Variants in MBTPS1 observed in about 807,000 individuals in gnomAD.
MBTPS1 encodes membrane bound transcription factor peptidase, site 1.
A neutral mutation model predicts 127.8 loss-of-function variants in MBTPS1; 94 were observed. That is an observed-to-expected ratio of 0.74 (90% CI 0.62 to 0.87). The LOEUF (loss-of-function observed/expected upper bound fraction) is 0.87. Among genes scored for constraint, MBTPS1 ranks in the 40% least tolerant of loss-of-function variants. The probability of loss-of-function intolerance (pLI) is 0.00; values close to 1 mark genes in which losing one functional copy is unlikely to be tolerated. For synonymous variants in MBTPS1, 632 were observed against 509.4 expected, an observed-to-expected ratio of 1.24 and a Z score of -3.24; for missense variants, 1,636 against 1,353.2, an observed-to-expected ratio of 1.21 and a Z score of -3.28.
At position 84,099,053 on chromosome 16, in the gene MBTPS1, A is replaced by G. The variant is rs2086217642; in HGVS notation, c.421T>C (p.Ser141Pro). ...KVFRSLKYAE[S>P]DPTVPCNETR... ...ATTTGCCTACAGTCACAATACTCAC[A>G]TTCAGCATACTTGAGGGAACGAAAG... The change falls in exon 3 of 23, where the codon TCT (serine) becomes CCT (proline). Residue 141 changes from serine (S) to proline (P), a missense_variant and splice_region_variant. Coordinates refer to ENST00000343411, the MANE Select transcript of MBTPS1 (RefSeq NM_003791.4). 2.5e-6 allele frequency: 4 copies of G among 1,613,862 alleles called. No individual in the cohort carries two copies. Among genetic ancestry groups the G allele is most frequent in the Non-Finnish European group, 3.4e-6 (4 of 1,179,854 alleles).
chr16:84,070,825 G>C, intron 12 of MBTPS1, 49 bp from the exon 13 acceptor site: 3 of 1,458,398 alleles, frequency 2.1e-6, no homozygotes, highest in Non-Finnish European at 2.8e-6. Flanking sequence ...AGCTCCAGGA[G>C]AAAACACGTG....
At position 84,056,150 on chromosome 16, in the gene MBTPS1, A is replaced by C; in HGVS notation, c.2832-15T>G. 1 of 1,610,926 alleles carries C rather than the reference A, an allele frequency of 6.2e-7. No individual in the cohort carries two copies. Among genetic ancestry groups the C allele is most frequent in the Non-Finnish European group, 8.5e-7 (1 of 1,177,198 alleles). ...TCCAAAGGTTACTTCAGGAAAATGG[A>C]TTAAAACAAAACAAAAATAAGCCAT... On this transcript the variant is annotated splice_polypyrimidine_tract_variant and intron_variant, in intron 21 of 22. Coordinates refer to ENST00000343411, the MANE Select transcript of MBTPS1 (RefSeq NM_003791.4).
intron 14 of MBTPS1, 55 bp downstream of exon 14, chr16:84,069,811 G>T: frequency 6.7e-7 from 1 of 1,488,298 alleles, no homozygotes; most frequent in Non-Finnish European, 9.2e-7. Context: ...GAACAGTGGT[G>T]CCTCCTCCCA....
intron 1 of MBTPS1, among the ~76,000 whole-genome samples, chr16:84,105,928 G>A (rs1208701443): frequency 6.6e-6 from 1 of 152,178 alleles, no homozygotes; most frequent in Non-Finnish European, 1.5e-5. Flanking sequence ...ACCTTCCAGT[G>A]CAGGGAGACA....
chr16:84,090,858 C>CT lies in MBTPS1; in HGVS notation c.1031+16dup, dbSNP rs751808902. 13 of 1,599,578 alleles carry CT rather than the reference C, an allele frequency of 8.1e-6. No individual in the cohort carries two copies. The East Asian group carries it at 2.7e-4, about 33-fold the overall frequency. On this transcript the variant is annotated intron_variant, in intron 8 of 22. Transcript: ENST00000343411. ...GGGGAAAAAATCCCCGAGGTCATCC[C>CT]TGCTGGGGCTACTTACCCATAAAGA...
At position 84,087,548 on chromosome 16, in the gene MBTPS1, A is replaced by G. The variant is rs1174995808; in HGVS notation, c.1032-88T>C. 7.2e-6 allele frequency: 6 copies of G among 834,866 alleles called. No individual in the cohort carries two copies. In the African/African-American group the frequency reaches 1.0e-4, roughly 14 times the overall value. The allele number at this position is 834,866 out of a possible 1,614,324, so 51.7% of individuals were successfully genotyped here. ...AAAATGGATGATTCAAACCAGGGCG[A>G]ATACTCCCAGAACAATCTAACACTG... On this transcript the variant is annotated intron_variant, in intron 8 of 22. Transcript: ENST00000343411.
intron 21 of MBTPS1, chr16:84,056,811 A>T (rs2085528816): frequency 6.6e-6 from 1 of 151,696 alleles, no homozygotes; most frequent in Non-Finnish European, 1.5e-5. Flanking sequence ...GATCTGAAAA[A>T]CTCGTTCAGG....
intron 10 of MBTPS1, among the ~76,000 whole-genome samples, chr16:84,082,798 C>A (rs2085960477): frequency 6.6e-6 from 1 of 152,096 alleles, no homozygotes; most frequent in Non-Finnish European, 1.5e-5. Flanking sequence ...GTGCTCAAAG[C>A]TATGGGTCAA....
Position 84,066,671 on chromosome 16 carries a change from T to C in MBTPS1, c.2229-58A>G, listed in dbSNP as rs866232816. On this transcript the variant is annotated intron_variant, in intron 16 of 22. Transcript: ENST00000343411. ...GGGAATGAAGACACTCCATACACAG[T>C]TATTTAGTCTCTGTGACAAAACTCA... 77 of 1,524,398 alleles carry C rather than the reference T, an allele frequency of 5.1e-5. 2 individuals are homozygous for C. In the Middle Eastern group the frequency reaches 2.2e-3, roughly 44 times the overall value. The allele number at this position is 1,524,398 out of a possible 1,614,324, so 94.4% of individuals were successfully genotyped here. A position where few individuals can be genotyped will look rare whatever the true frequency, so the allele number is the denominator to read the frequency against.
At chr16:84,066,681 T>C (rs1020608520) in intron 16 of MBTPS1, 68 bp from the exon 17 acceptor site, 1 of 1,466,298 alleles carries the variant, frequency 6.8e-7, no homozygotes, top group East Asian at 2.4e-5. Context: ...TTATTTAGTC[T>C]CTGTGACAAA....
chr16:84,074,062 T>C (rs149479813), intron 12 of MBTPS1, among the ~76,000 whole-genome samples: 2 of 151,958 alleles, frequency 1.3e-5, no homozygotes, highest in Admixed American at 6.6e-5. Context: ...AGGCGCAAAA[T>C]TGTATAGATG....
At chr16:84,093,159 C>G in intron 6 of MBTPS1, 29 bp downstream of exon 6, 1 of 1,410,702 alleles carries the variant, frequency 7.1e-7, no homozygotes, top group African/African-American at 1.4e-5. Context: ...ATGAATTCCT[C>G]AAGTTTCAGG....
chr16:84,107,871 T>A (rs2086346067), intron 1 of MBTPS1, among the ~76,000 whole-genome samples: 1 of 149,854 alleles, frequency 6.7e-6, no homozygotes, highest in Non-Finnish European at 1.5e-5. Flanking sequence ...CCAGCTAATT[T>A]TTTTTTTTTT....
Position 84,093,702 on chromosome 16 carries a change from G to A in MBTPS1, c.736+9C>T. On this transcript the variant is annotated intron_variant, in intron 5 of 22. Coordinates refer to ENST00000343411, the MANE Select transcript of MBTPS1 (RefSeq NM_003791.4). ...ACATGACCACGTTCTCACTGCTGCT[G>A]AGACCCACCATCGTCCAGCGTTCGC... 1 of 1,594,494 alleles carries A rather than the reference G, an allele frequency of 6.3e-7. No homozygotes were observed. Among genetic ancestry groups the A allele is most frequent in the Non-Finnish European group, 8.6e-7 (1 of 1,162,250 alleles).
chr16:84,074,971 G>C (rs372917585), intron 11 of MBTPS1: 12 of 340,866 alleles, frequency 3.5e-5, no homozygotes, highest in Admixed American at 2.8e-4. Flanking sequence ...GGACACCTCT[G>C]CTTTTGCAAG....
intron 8 of MBTPS1, among the ~76,000 whole-genome samples, chr16:84,087,826 G>C (rs779778227): frequency 1.3e-5 from 2 of 152,090 alleles, no homozygotes; most frequent in Non-Finnish European, 2.9e-5. Flanking sequence ...ATCACCTAAC[G>C]ACACATTCTC....
Position 84,070,654 on chromosome 16 carries a change from C to T in MBTPS1, c.1716G>A (p.Ala572=), listed in dbSNP as rs980896917. 9.3e-6 allele frequency: 15 copies of T among 1,613,828 alleles called. No individual in the cohort carries two copies. Among genetic ancestry groups the T allele is most frequent in the South Asian group, 6.6e-5 (6 of 91,060 alleles). The part of the protein sequence containing the change: ...LAISISVTKK[A]ASWEGIAQGH... ...CCTGAGCAATGCCTTCCCAGGAAGC[C>T]GCTTTCTTGGTCACAGAAATGGAGA... Residue 572 remains alanine (A), a synonymous_variant, in exon 13 of 23, where the codon GCG becomes GCA. Coordinates refer to ENST00000343411, the MANE Select transcript of MBTPS1 (RefSeq NM_003791.4).
intron 1 of MBTPS1, among the ~76,000 whole-genome samples, chr16:84,113,920 C>T (rs1312998870): frequency 6.6e-6 from 1 of 151,522 alleles, no homozygotes; most frequent in Non-Finnish European, 1.5e-5. Flanking sequence ...TTAAGTCATG[C>T]CAGACCAAAC....
At chr16:84,055,298 A>C (rs2151137565) in intron 22 of MBTPS1, among the ~76,000 whole-genome samples, 1 of 152,304 alleles carries the variant, frequency 6.6e-6, no homozygotes, top group Middle Eastern at 3.4e-3. Flanking sequence ...GACTGCACAG[A>C]CAGGGGTGCC....
Sources: gnomAD v4.1 joint callset for allele counts (sites outside exome capture counted in the v4.1 genomes callset) on GRCh38, gnomAD v4.1.1 for gene constraint, MANE v1.5 for transcripts, NCBI Gene and HGNC (gene_info 2026-07-23, HGNC 2026-07-21) for gene names.